ZCCHC7: variants seen among roughly 807,000 people sequenced by gnomAD.
ZCCHC7 encodes the protein zinc finger CCHC-type containing 7.
ZCCHC7 carries 35 observed loss-of-function variants against 52.0 expected under a neutral mutation model. The ratio of observed to expected loss-of-function variants is 0.67; its 90% CI spans 0.51 to 0.89. ZCCHC7 has a LOEUF of 0.89. Among genes scored for constraint, ZCCHC7 ranks in the 40% least tolerant of loss-of-function variants. The probability of loss-of-function intolerance (pLI) is 0.00; values close to 1 mark genes in which losing one functional copy is unlikely to be tolerated. For missense variants in ZCCHC7, 574 were observed against 649.1 expected, an observed-to-expected ratio of 0.88 and a Z score of 1.26; for synonymous variants, 217 against 221.5, an observed-to-expected ratio of 0.98 and a Z score of 0.18.
intron 5 of ZCCHC7, among the ~76,000 whole-genome samples, chr9:37,320,687 CT>C (rs1317887485): frequency 6.6e-6 from 1 of 152,088 alleles, no homozygotes; most frequent in Non-Finnish European, 1.5e-5. Context: ...AGTATTTTGC[CT>C]CTCTTGGAAT....
chr9:37,174,916 C>G (rs1226829296), intron 2 of ZCCHC7, among the ~76,000 whole-genome samples: 2 of 151,882 alleles, frequency 1.3e-5, no homozygotes, highest in African/African-American at 2.4e-5. Context: ...GCAGGCAGAT[C>G]ACTTAAGGTC....
At chr9:37,217,588 C>T (rs1824576993) in intron 2 of ZCCHC7, among the ~76,000 whole-genome samples, 1 of 151,880 alleles carries the variant, frequency 6.6e-6, no homozygotes, top group South Asian at 2.1e-4. Flanking sequence ...TATCCTTCAG[C>T]TGAAAAAAAA....
At chr9:37,210,558 C>T (rs932432640) in intron 2 of ZCCHC7, among the ~76,000 whole-genome samples, 4 of 152,060 alleles carry the variant, frequency 2.6e-5, no homozygotes, top group Non-Finnish European at 5.9e-5. Flanking sequence ...GTGTGCATTA[C>T]ATCATTCATT....
intron 5 of ZCCHC7, among the ~76,000 whole-genome samples, chr9:37,325,457 ATTACT>A (rs777546073): frequency 2.6e-5 from 4 of 152,206 alleles, no homozygotes; most frequent in African/African-American, 4.8e-5. Context: ...TGCTTTAGAA[ATTACT>A]TTATTTTATG....
intron 2 of ZCCHC7, among the ~76,000 whole-genome samples, chr9:37,220,473 C>T (rs1336088197): frequency 2.0e-5 from 3 of 152,026 alleles, no homozygotes; most frequent in African/African-American, 7.2e-5. Flanking sequence ...ACCCGGGAGG[C>T]GAAAGTTGCA....
chr9:37,319,614 T>A (rs1240336108), intron 5 of ZCCHC7, among the ~76,000 whole-genome samples: 1 of 152,030 alleles, frequency 6.6e-6, no homozygotes, highest in African/African-American at 2.4e-5. Flanking sequence ...TTTGTAGAAA[T>A]GAGGTTTCAT....
chr9:37,174,217 G>A (rs1459592211), intron 2 of ZCCHC7, among the ~76,000 whole-genome samples: 4 of 152,094 alleles, frequency 2.6e-5, no homozygotes, highest in African/African-American at 4.8e-5. Context: ...GCTGAGGCAC[G>A]AGAATCGCTT....
chr9:37,208,724 T>G (rs1405458860), intron 2 of ZCCHC7, among the ~76,000 whole-genome samples: 1 of 152,214 alleles, frequency 6.6e-6, no homozygotes, highest in East Asian at 1.9e-4. Context: ...ATCACTTTGT[T>G]CCAATTCACC....
intron 2 of ZCCHC7, among the ~76,000 whole-genome samples, chr9:37,242,820 A>G (rs976880498): frequency 1.3e-5 from 2 of 151,874 alleles, no homozygotes; most frequent in East Asian, 3.9e-4. Flanking sequence ...AAAGCTTTAC[A>G]TACGCTTAAA....
At chr9:37,330,008 TTA>T (rs1372350642) in intron 6 of ZCCHC7, among the ~76,000 whole-genome samples, 1 of 151,866 alleles carries the variant, frequency 6.6e-6, no homozygotes, top group Non-Finnish European at 1.5e-5. Context: ...TTGGAGATGT[TTA>T]TATTTGGGAG....
intron 2 of ZCCHC7, among the ~76,000 whole-genome samples, chr9:37,199,769 G>A (rs1823524272): frequency 6.6e-6 from 1 of 151,210 alleles, no homozygotes; most frequent in Non-Finnish European, 1.5e-5. Flanking sequence ...GCAGTGGCGC[G>A]ATCTCGGCTC....
rs149974312 is a variant in ZCCHC7, at chr9:37,319,478, A to G, written c.952-8321A>G. On this transcript the variant is annotated intron_variant, in intron 5 of 8. Coordinates refer to ENST00000336755, the MANE Select transcript of ZCCHC7 (RefSeq NM_032226.3). Reference sequence around the variant, plus strand: ...GGTCTTACTCTGTCCCCCAGGCTGGAGTGTAGTGGTGCAATCTCGGCTCAC... The same window carrying G: ...GGTCTTACTCTGTCCCCCAGGCTGGGGTGTAGTGGTGCAATCTCGGCTCAC... Among the ~76,000 whole-genome samples, 563 of 152,108 alleles carry G rather than the reference A, an allele frequency of 3.7e-3. 2 individuals carry two copies. Among genetic ancestry groups the G allele is most frequent in the Non-Finnish European group, 6.7e-3 (457 of 67,972 alleles).
rs752617877 is a variant in ZCCHC7 at position 37,126,670 on chromosome 9, A to C, written c.338A>C (p.Gln113Pro). Reference sequence around the variant, plus strand: ...GGAAAGAATGTTAGAGTTCAAGCACAAGAAAATGCCCATGGTCTTTCTTCT... The same window carrying C: ...GGAAAGAATGTTAGAGTTCAAGCACCAGAAAATGCCCATGGTCTTTCTTCT... ...CKGKNVRVQAQENAHGLSSSL... is the reference protein window; with the variant it reads ...CKGKNVRVQAPENAHGLSSSL... Residue 113 changes from glutamine to proline, a missense_variant, in exon 2 of 9, where the codon CAA (glutamine) becomes CCA (proline). Gln to Pro is a moderately conservative substitution (Grantham distance 76). This residue lies in a region of ZCCHC7 where 403 missense variants were observed against 461.2 expected (regional missense o/e 0.87). Coordinates refer to ENST00000336755, the MANE Select transcript of ZCCHC7 (RefSeq NM_032226.3). 3 of 1,614,196 alleles carry C rather than the reference A, an allele frequency of 1.9e-6. No homozygotes were observed. In the Admixed American group the frequency reaches 5.0e-5, roughly 27 times the overall value.
In ZCCHC7 at chr9:37,300,249, T is replaced by G. The variant is rs138094450; in HGVS notation, c.611-1939T>G. Among the ~76,000 whole-genome samples, 821 of 152,342 alleles carry G rather than the reference T, an allele frequency of 5.4e-3. 2 individuals are homozygous for G. The highest frequency in any genetic ancestry group is 6.9e-3 in the Non-Finnish European group (470 of 68,016). On this transcript the variant is annotated intron_variant, in intron 2 of 8. Coordinates refer to ENST00000336755, the MANE Select transcript of ZCCHC7 (RefSeq NM_032226.3). ...TTTTGCATTTCATTGGTTTTATATT[T>G]CATTTTTTAAGAACAATTTTAAGTC... is the stretch of plus-strand genomic sequence containing the variant.
At chr9:37,195,053 T>C (rs2133124349) in intron 2 of ZCCHC7, among the ~76,000 whole-genome samples, 1 of 151,704 alleles carries the variant, frequency 6.6e-6, no homozygotes, top group East Asian at 1.9e-4. Flanking sequence ...TTCAAGCTAT[T>C]CTCATGCCTC....
intron 6 of ZCCHC7, among the ~76,000 whole-genome samples, chr9:37,342,308 G>A (rs1820691181): frequency 6.6e-6 from 1 of 152,120 alleles, no homozygotes; most frequent in South Asian, 2.1e-4. Context: ...AAAGATTTTG[G>A]GAGGAACATA....
At chr9:37,325,688 G>A (rs1483497144) in intron 5 of ZCCHC7, among the ~76,000 whole-genome samples, 2 of 152,022 alleles carry the variant, frequency 1.3e-5, no homozygotes, top group Admixed American at 6.6e-5. Context: ...AGTTTGAAAT[G>A]AAAAATATTT....
intron 2 of ZCCHC7, among the ~76,000 whole-genome samples, chr9:37,197,935 T>C (rs555141307): frequency 6.6e-6 from 1 of 152,272 alleles, no homozygotes; most frequent in Non-Finnish European, 1.5e-5. Context: ...CATGAATAAT[T>C]GTTGAATCAC....
chr9:37,357,383 T>G lies in ZCCHC7; in HGVS notation c.*115T>G, dbSNP rs1185712543. 2 of 1,057,914 alleles carry G rather than the reference T, an allele frequency of 1.9e-6. No homozygotes were observed. The highest frequency in any genetic ancestry group is 2.6e-5 in the East Asian group (1 of 38,028). 65.5% of individuals were successfully genotyped at this position (1,057,914 alleles called of 1,614,324 possible). On this transcript the variant is annotated 3_prime_UTR_variant, in exon 9 of 9. Coordinates refer to ENST00000336755, the MANE Select transcript of ZCCHC7 (RefSeq NM_032226.3). Reference sequence around the variant, plus strand: ...AAATAAAGTGAGTTTTTGGTTTTGTTTTTTTAATTTCAGCCATTCCTAGAG... The same window carrying G: ...AAATAAAGTGAGTTTTTGGTTTTGTGTTTTTAATTTCAGCCATTCCTAGAG...
Sources: gnomAD v4.1 joint callset for allele counts (sites outside exome capture counted in the v4.1 genomes callset) on GRCh38, gnomAD v4.1.1 for gene constraint, gnomAD v4.1.1 regional missense constraint, MANE v1.5 for transcripts, NCBI Gene and HGNC (gene_info 2026-07-23, HGNC 2026-07-21) for gene names.